The following ULK4 variants were observed in gnomAD, a reference collection of about 807,000 sequenced individuals.
ULK4 encodes unc-51 like kinase 4.
A neutral mutation model predicts 160.6 loss-of-function variants in ULK4; 133 were observed. That is an observed-to-expected ratio of 0.83 (90% CI 0.72 to 0.96). The LOEUF is 0.96. Among genes scored for constraint, ULK4 ranks in the 40% least tolerant of loss-of-function variants. The pLI is 0.00. For synonymous variants in ULK4, 534 were observed against 539.8 expected (o/e 0.99, Z 0.15); for missense variants, 1,580 against 1,499.5 (o/e 1.05, Z -0.89).
At chr3:41,694,217 A>C (rs746889852) in intron 27 of ULK4, among the ~76,000 whole-genome samples, 18 of 152,388 alleles carry the variant, frequency 1.2e-4, no homozygotes, top group Middle Eastern at 3.4e-3. Flanking sequence ...CAAAGATAGC[A>C]GTGTGAACTC....
chr3:41,644,483 G>T (rs1479390177), intron 30 of ULK4, among the ~76,000 whole-genome samples: 4 of 152,218 alleles, frequency 2.6e-5, no homozygotes, highest in African/African-American at 9.7e-5. Context: ...CTGTTTATAT[G>T]TTGGATTACA....
At position 41,911,580 on chromosome 3, in the gene ULK4, GC is replaced by G; in HGVS notation, c.975del (p.His326ThrfsTer7). ...LQNSQSRQAK[G>X]HKSGQPLGHS... is the part of the protein sequence containing the mutation. ...TGACCTAGTGGTTGACCACTCTTGT[GC>G]CCTTTTGCTTGTCTACTCTGAGAGT... On this transcript the variant is annotated frameshift_variant, in exon 10 of 37. Transcript: ENST00000301831. LOFTEE classifies it high-confidence loss of function. 1 of 1,613,982 alleles carries G rather than the reference GC, an allele frequency of 6.2e-7. No individual in the cohort carries two copies. The highest frequency in any genetic ancestry group is 1.6e-4 in the Middle Eastern group (1 of 6,062).
intron 35 of ULK4, among the ~76,000 whole-genome samples, chr3:41,286,156 G>C (rs1379749965): frequency 2.6e-5 from 4 of 152,182 alleles, no homozygotes; most frequent in African/African-American, 9.7e-5. Flanking sequence ...TGTATCTTCA[G>C]AAATTGATAC....
At chr3:41,892,028 C>T (rs1277724737) in intron 16 of ULK4, among the ~76,000 whole-genome samples, 1 of 152,174 alleles carries the variant, frequency 6.6e-6, no homozygotes. Flanking sequence ...ATTTACTTTA[C>T]CTTATTCAAG....
At chr3:41,444,361 TTCTC>T (rs56744200) in intron 34 of ULK4, among the ~76,000 whole-genome samples, 2,950 of 146,610 alleles carry the variant, frequency 0.02, 36 homozygotes, top group African/African-American at 0.041. Context: ...TTTAAGTGAC[TTCTC>T]TCTCTCTCTC....
intron 17 of ULK4, among the ~76,000 whole-genome samples, chr3:41,855,810 T>C (rs1417148614): frequency 5.3e-5 from 8 of 152,154 alleles, no homozygotes; most frequent in African/African-American, 1.7e-4. Flanking sequence ...TAGTAGAAAA[T>C]TAAATGTGAT....
intron 35 of ULK4, among the ~76,000 whole-genome samples, chr3:41,381,675 C>T (rs747289637): frequency 5.9e-5 from 9 of 152,180 alleles, no homozygotes; most frequent in Non-Finnish European, 1.3e-4. Context: ...ATGATCAGGA[C>T]TCTGCTGATA....
intron 35 of ULK4, among the ~76,000 whole-genome samples, chr3:41,355,985 A>T (rs2081022264): frequency 6.6e-6 from 1 of 152,216 alleles, no homozygotes; most frequent in East Asian, 1.9e-4. Context: ...AGCCTGAAGG[A>T]TATCCCACAG....
At chr3:41,369,220 C>T (rs9311273) in intron 35 of ULK4, among the ~76,000 whole-genome samples, 25 of 152,076 alleles carry the variant, frequency 1.6e-4, no homozygotes, top group African/African-American at 6.0e-4. Flanking sequence ...CTTAGAGGCC[C>T]TGCATGGTGG....
Position 41,372,954 on chromosome 3 carries a change from G to GCAAATA in ULK4, c.3678+25119_3678+25124dup, listed in dbSNP as rs2081399877. Among the ~76,000 whole-genome samples the GCAAATA allele has an allele frequency of 2.6e-5, 4 of 152,226 alleles. No homozygotes were observed. The South Asian group carries it at 8.3e-4, about 32-fold the overall frequency. ...AAAGGGATGAAGGAAGATTTAGCAA[G>GCAAATA]CAAATAGAGAGCAAACAAAAGCAGG... On this transcript the variant is annotated intron_variant, in intron 35 of 36. Coordinates refer to ENST00000301831, the MANE Select transcript of ULK4 (RefSeq NM_017886.4).
At chr3:41,377,685 C>T (rs550688138) in intron 35 of ULK4, among the ~76,000 whole-genome samples, 2 of 147,654 alleles carry the variant, frequency 1.4e-5, no homozygotes, top group Non-Finnish European at 3.0e-5. Flanking sequence ...TACCATCTCA[C>T]ACCAGTTAGA....
At chr3:41,866,088 T>TAGAA (rs138620732) in intron 17 of ULK4, among the ~76,000 whole-genome samples, 47,600 of 151,820 alleles carry the variant, frequency 0.31, 10,941 homozygotes, top group African/African-American at 0.66. Flanking sequence ...AGACAGATGA[T>TAGAA]AGGGAGATAA....
chr3:41,536,727 G>A (rs1176478661), intron 32 of ULK4, among the ~76,000 whole-genome samples: 1 of 152,144 alleles, frequency 6.6e-6, no homozygotes, highest in Non-Finnish European at 1.5e-5. Flanking sequence ...TTCTGAGTAG[G>A]CTGAGGAGGA....
chr3:41,746,521 G>C (rs1475911102), intron 22 of ULK4, among the ~76,000 whole-genome samples: 3 of 149,794 alleles, frequency 2.0e-5, no homozygotes, highest in African/African-American at 7.4e-5. Context: ...AATAGAGAGA[G>C]ACACCACATT....
chr3:41,915,114 T>A (rs1449528247), intron 8 of ULK4, among the ~76,000 whole-genome samples: 1 of 152,058 alleles, frequency 6.6e-6, no homozygotes, highest in Non-Finnish European at 1.5e-5. Flanking sequence ...AATGTAGGGA[T>A]ATGTGGATAC....
intron 9 of ULK4, among the ~76,000 whole-genome samples, chr3:41,912,124 T>C (rs1698809602): frequency 6.6e-6 from 1 of 152,072 alleles, no homozygotes; most frequent in African/African-American, 2.4e-5. Flanking sequence ...GGCCAGGAGT[T>C]TGAAACCAGC....
intron 18 of ULK4, among the ~76,000 whole-genome samples, chr3:41,826,691 C>T (rs1055631181): frequency 1.3e-5 from 2 of 149,970 alleles, no homozygotes; most frequent in African/African-American, 2.5e-5. Context: ...GAGACTTAGA[C>T]TCCCACACAA....
In ULK4 at chr3:41,322,352, C is replaced by T. The variant is rs117767982; in HGVS notation, c.3679-72778G>A. On this transcript the variant is annotated intron_variant, in intron 35 of 36. Transcript: ENST00000301831. ...TGGCCTCTAAAGCTTTTTTAATAAA[C>T]GTTCACTCCTGCTCTAAAACTTGCC... Among the ~76,000 whole-genome samples the T allele has an allele frequency of 2.9e-3, 442 of 152,130 alleles. 1 individual carries two copies. The highest frequency in any genetic ancestry group is 0.016 in the East Asian group (81 of 5,160).
intron 35 of ULK4, among the ~76,000 whole-genome samples, chr3:41,374,468 C>A (rs1575482790): frequency 6.6e-6 from 1 of 152,128 alleles, no homozygotes; most frequent in Admixed American, 6.6e-5. Context: ...CTCTGGGATG[C>A]AAGGCTGGTT....
Sources: allele counts gnomAD v4.1 joint callset (sites outside exome capture counted in the v4.1 genomes callset), GRCh38; gene constraint gnomAD v4.1.1; transcripts MANE v1.5; gene names NCBI Gene and HGNC (gene_info 2026-07-23, HGNC 2026-07-21).